STARD13: variants seen among roughly 807,000 people sequenced by gnomAD.
STARD13 encodes the protein StAR related lipid transfer domain containing 13.
A neutral mutation model predicts 106.4 loss-of-function variants in STARD13; 62 were observed. The observed-to-expected ratio is 0.58, with a 90% confidence interval of 0.48 to 0.72. STARD13 has a LOEUF of 0.72. STARD13 is among the 30% of genes least tolerant of loss of function. STARD13 has a pLI of 0.00. For synonymous variants in STARD13, 565 were observed against 553.0 expected (o/e 1.02, Z -0.31); for missense variants, 1,387 against 1,424.0 (o/e 0.97, Z 0.42).
chr13:33,670,749 G>A, the STARD13 span, among the ~76,000 whole-genome samples: 4 of 152,174 alleles, frequency 2.6e-5, no homozygotes, highest in South Asian at 4.2e-4. Context: ...CCCCTCCCCC[G>A]AGTTGCTTAT....
Position 33,208,854 on chromosome 13 carries a change from A to G in STARD13, c.170-41232T>C, listed in dbSNP as rs1251760416. 2.6e-5 allele frequency among the ~76,000 whole-genome samples: 4 copies of G among 152,200 alleles called. No homozygotes were observed. In the East Asian group the frequency reaches 5.8e-4, roughly 22 times the overall value. On this transcript the variant is annotated intron_variant, in intron 1 of 13. Transcript: ENST00000336934. ...TGCAGACAGGTGTACACACATATTC[A>G]AGTTTTAATTTCAGCATCTTTCATT...
chr13:33,476,936 C>T, the STARD13 span, among the ~76,000 whole-genome samples: 44 of 152,242 alleles, frequency 2.9e-4, no homozygotes, highest in African/African-American at 1.9e-4. Context: ...GAATTGCTTT[C>T]GTGAGACACA....
At chr13:33,554,063 A>G in the STARD13 span, among the ~76,000 whole-genome samples, 24 of 152,204 alleles carry the variant, frequency 1.6e-4, no homozygotes, top group South Asian at 8.3e-4. Context: ...ATGAATTTCA[A>G]TTATATCTTC....
chr13:33,468,994 C>A, the STARD13 span, among the ~76,000 whole-genome samples: 4 of 152,030 alleles, frequency 2.6e-5, no homozygotes, highest in Non-Finnish European at 4.4e-5. Flanking sequence ...AAAAGTGAGC[C>A]ACTACTAACT....
chr13:33,283,112 A>G (rs1019617174), intron 1 of STARD13, among the ~76,000 whole-genome samples: 5 of 152,200 alleles, frequency 3.3e-5, no homozygotes, highest in African/African-American at 1.2e-4. Flanking sequence ...AGAGAATAAA[A>G]CATGTAGCAC....
chr13:33,289,607 G>A (rs559081097), upstream of STARD13, among the ~76,000 whole-genome samples: 25 of 152,216 alleles, frequency 1.6e-4, no homozygotes, highest in South Asian at 4.2e-4. Context: ...AAGGCACTCC[G>A]GAAATTGGAA....
At chr13:33,225,135 T>C (rs903581337) in intron 1 of STARD13, among the ~76,000 whole-genome samples, 1 of 152,234 alleles carries the variant, frequency 6.6e-6, no homozygotes, top group African/African-American at 2.4e-5. Flanking sequence ...AATATATTCT[T>C]AATCACTGAA....
chr13:33,404,381 TGTTAAA>T, the STARD13 span, among the ~76,000 whole-genome samples: 12 of 152,172 alleles, frequency 7.9e-5, no homozygotes, highest in Non-Finnish European at 1.3e-4. Flanking sequence ...AATGCTCTGT[TGTTAAA>T]GTTAGAAATG....
At chr13:33,544,770 CTTTTTTTTTTT>C in the STARD13 span, among the ~76,000 whole-genome samples, 4 of 108,714 alleles carry the variant, frequency 3.7e-5, no homozygotes, top group Admixed American at 9.7e-5. Flanking sequence ...TGTTTTTTCT[CTTTTTTTTTTT>C]TTTTTTTTTT....
intron 8 of STARD13, chr13:33,117,722 A>G: frequency 1.1e-6 from 1 of 910,404 alleles, no homozygotes; most frequent in Non-Finnish European, 1.3e-6. Flanking sequence ...AAAATTGAAT[A>G]AGTTTTAATA....
intron 1 of STARD13, among the ~76,000 whole-genome samples, chr13:33,244,986 G>A (rs1889749078): frequency 6.6e-6 from 1 of 152,176 alleles, no homozygotes; most frequent in African/African-American, 2.4e-5. Flanking sequence ...TCTGAAGTGA[G>A]GAAGAAAGAA....
At position 33,285,699 on chromosome 13, in the gene STARD13, C is replaced by A. The variant is rs1339174799; in HGVS notation, c.-61G>T. 3 of 1,594,678 alleles carry A rather than the reference C, an allele frequency of 1.9e-6. No homozygotes were observed. Among genetic ancestry groups the A allele is most frequent in the South Asian group, 1.2e-5 (1 of 86,828 alleles). ...GTGGCTGTTGCCGTCTGTCTCCAGT[C>A]TCAGTCAAAGAGCAAGGCACCCAGC... On this transcript the variant is annotated 5_prime_UTR_variant, in exon 1 of 14. Coordinates refer to ENST00000336934, the MANE Select transcript of STARD13 (RefSeq NM_178006.4).
chr13:33,110,086 C>T lies in STARD13; in HGVS notation c.2834G>A (p.Gly945Asp). Residue 945 changes from glycine (G) to aspartate (D), a missense_variant, in exon 12 of 14, where the codon GGC (glycine) becomes GAC (aspartate). Gly to Asp is a moderately conservative substitution (Grantham distance 94, BLOSUM62 -1). Coordinates refer to ENST00000336934, the MANE Select transcript of STARD13 (RefSeq NM_178006.4). ...CCACAGCTTCAGCGGGTTCCCGTCG[C>T]CCACCTTGGGAAAGACAACGTCAGA... Reference protein sequence around the residue: ...DNTDLAFKKVGDGNPLKLWKA... With the variant: ...DNTDLAFKKVDDGNPLKLWKA... The T allele has an allele frequency of 6.2e-7, 1 of 1,614,068 alleles. No individual in the cohort carries two copies. Among genetic ancestry groups the T allele is most frequent in the Non-Finnish European group, 8.5e-7 (1 of 1,179,988 alleles).
At chr13:33,139,495 C>T (rs1879523124) in intron 4 of STARD13, among the ~76,000 whole-genome samples, 1 of 152,216 alleles carries the variant, frequency 6.6e-6, no homozygotes, top group African/African-American at 2.4e-5. Flanking sequence ...ATTGTGACCC[C>T]AGACAGTTTA....
chr13:33,665,110 A>G, the STARD13 span, among the ~76,000 whole-genome samples: 1 of 152,352 alleles, frequency 6.6e-6, no homozygotes, highest in South Asian at 2.1e-4. Context: ...CTGTCAAGGA[A>G]GCATCCAACA....
At chr13:33,349,335 A>G (rs371700942) in intron 1 of STARD13, 2 of 686,438 alleles carry the variant, frequency 2.9e-6, no homozygotes, top group South Asian at 3.1e-5. Context: ...CATGTTGGTG[A>G]ATGGGGTCCT....
chr13:33,578,973 G>T, the STARD13 span, among the ~76,000 whole-genome samples: 2 of 152,028 alleles, frequency 1.3e-5, no homozygotes, highest in African/African-American at 2.4e-5. Context: ...CAGCCAGAAT[G>T]GTCATTGTTA....
At chr13:33,251,916 A>G (rs1481337574) in intron 1 of STARD13, among the ~76,000 whole-genome samples, 1 of 152,248 alleles carries the variant, frequency 6.6e-6, no homozygotes, top group Non-Finnish European at 1.5e-5. Flanking sequence ...CTTCCTTTCC[A>G]AAACAGACAA....
At chr13:33,172,509 G>A (rs1022920862) in intron 1 of STARD13, among the ~76,000 whole-genome samples, 1 of 152,186 alleles carries the variant, frequency 6.6e-6, no homozygotes, top group Admixed American at 6.5e-5. Context: ...GGCAAGTCAG[G>A]AAACATAGTG....
Sources: allele counts gnomAD v4.1 joint callset (sites outside exome capture counted in the v4.1 genomes callset), GRCh38; gene constraint gnomAD v4.1.1; transcripts MANE v1.5; gene names NCBI Gene and HGNC (gene_info 2026-07-23, HGNC 2026-07-21).